SORL1: variants seen among roughly 807,000 people sequenced by gnomAD.
The protein encoded by SORL1 is sortilin related receptor 1.
SORL1 carries 127 observed loss-of-function variants against 273.7 expected under a neutral mutation model. The observed-to-expected ratio is 0.46, with a 90% CI of 0.40 to 0.54. The LOEUF (loss-of-function observed/expected upper bound fraction) is 0.54, where lower values mean the gene tolerates loss of function less well. Among genes scored for constraint, SORL1 ranks in the 20% least tolerant of loss-of-function variants. The probability of loss-of-function intolerance (pLI) is 0.00; values close to 1 mark genes in which losing one functional copy is unlikely to be tolerated. For missense variants in SORL1, 2,494 were observed against 2,846.1 expected, an observed-to-expected ratio of 0.88 and a Z score of 2.81; for synonymous variants, 1,031 against 1,067.4, an observed-to-expected ratio of 0.97 and a Z score of 0.66.
At chr11:121,481,226 C>T (rs1480703930) in intron 3 of SORL1, among the ~76,000 whole-genome samples, 3 of 107,652 alleles carry the variant, frequency 2.8e-5, no homozygotes, top group Admixed American at 8.5e-5. Context: ...TGCACAGATA[C>T]CTATAGGCAA....
At chr11:121,545,177 A>T in intron 13 of SORL1, 66 bp from the exon 14 acceptor site, 1 of 1,490,784 alleles carries the variant, frequency 6.7e-7, no homozygotes, top group Non-Finnish European at 9.3e-7. Flanking sequence ...AGGCACCTTG[A>T]GGCATAGCAG....
In SORL1 at chr11:121,557,371, C is replaced by A. The variant is rs769806986; in HGVS notation, c.2629C>A (p.Arg877Ser). ...LTIVNSSVLD[R>S]PRALVLVPQE... ...AATCGTCAATTCCTCTGTGCTTGAT[C>A]GTCCCAGGGCTCTGGTCCTCGTGCC... The change falls in exon 19 of 48, where the codon CGT becomes AGT. Residue 877 changes from arginine to serine, a missense_variant. This residue lies in a region of SORL1 where 1,609 missense variants were observed against 1,816.4 expected (regional missense o/e 0.89). Coordinates refer to ENST00000260197, the MANE Select transcript of SORL1 (RefSeq NM_003105.6). 6.2e-7 allele frequency: 1 copy of A among 1,614,154 alleles called. No homozygotes were observed. Among genetic ancestry groups the A allele is most frequent in the South Asian group, 1.1e-5 (1 of 91,088 alleles).
Position 121,612,517 on chromosome 11 carries a change from G to A in SORL1, c.5323-219G>A, listed in dbSNP as rs1863580830. 4 of 366,636 alleles carry A rather than the reference G, an allele frequency of 1.1e-5. No individual in the cohort carries two copies. The East Asian group carries it at 1.8e-4, about 17-fold the overall frequency. 22.7% of individuals were successfully genotyped at this position (366,636 alleles called of 1,614,324 possible). On this transcript the variant is annotated intron_variant, in intron 39 of 47. Coordinates refer to ENST00000260197, the MANE Select transcript of SORL1 (RefSeq NM_003105.6). ...TCATTGAATCTATAAATTAAATATG[G>A]TCTCGTTTGTTTTTAGAAGTAGGTG... is the stretch of plus-strand genomic sequence containing the variant.
At chr11:121,601,218 A>T (rs1165703319) in intron 32 of SORL1, among the ~76,000 whole-genome samples, 2 of 143,786 alleles carry the variant, frequency 1.4e-5, no homozygotes, top group Non-Finnish European at 3.0e-5. Flanking sequence ...CCTACAAAGG[A>T]CATGAACTCA....
At position 121,586,235 on chromosome 11, in the gene SORL1, T is replaced by C. The variant is rs200714087; in HGVS notation, c.3720T>C (p.Asn1240=). ...EDPVNCEKKC[N]GFRCPNGTCI... ...ATTCTATTTCAGAGAAGAAGTGCAA[T>C]GGATTCCGCTGCCCAAACGGCACTT... Residue 1240 remains asparagine, a synonymous_variant, in exon 27 of 48, where the codon AAT becomes AAC. Coordinates refer to ENST00000260197, the MANE Select transcript of SORL1 (RefSeq NM_003105.6). 25 of 1,613,096 alleles carry C rather than the reference T, an allele frequency of 1.5e-5. No individual in the cohort carries two copies. The highest frequency in any genetic ancestry group is 5.9e-6 in the Non-Finnish European group (7 of 1,179,208).
At chr11:121,461,066 A>G (rs1431038709) in intron 1 of SORL1, among the ~76,000 whole-genome samples, 1 of 151,998 alleles carries the variant, frequency 6.6e-6, no homozygotes, top group Non-Finnish European at 1.5e-5. Flanking sequence ...AGTGTTTGGA[A>G]GGACTTGCAT....
chr11:121,463,807 G>A (rs1861040189), intron 1 of SORL1, among the ~76,000 whole-genome samples: 1 of 152,208 alleles, frequency 6.6e-6, no homozygotes, highest in Non-Finnish European at 1.5e-5. Flanking sequence ...CTTCTGAGGT[G>A]AGCAGTCCAG....
chr11:121,519,033 C>T (rs1007673149), intron 8 of SORL1, among the ~76,000 whole-genome samples: 26 of 151,108 alleles, frequency 1.7e-4, no homozygotes, highest in African/African-American at 5.8e-4. Context: ...CTGCAACCTC[C>T]GCCTCCCGGG....
At chr11:121,539,090 A>G (rs1862309509) in intron 12 of SORL1, among the ~76,000 whole-genome samples, 1 of 152,326 alleles carries the variant, frequency 6.6e-6, no homozygotes, top group East Asian at 1.9e-4. Context: ...CTCTGTGAGA[A>G]CTAGAAGTCT....
At chr11:121,569,378 G>C (rs1052893567) in intron 22 of SORL1, among the ~76,000 whole-genome samples, 6 of 152,336 alleles carry the variant, frequency 3.9e-5, no homozygotes, top group Non-Finnish European at 7.3e-5. Context: ...CTGCCGGTGA[G>C]CCGGGCGGAA....
In SORL1 at chr11:121,558,646, A is replaced by G. The variant is rs768632349; in HGVS notation, c.2719A>G (p.Met907Val). 7 of 1,613,892 alleles carry G rather than the reference A, an allele frequency of 4.3e-6. No homozygotes were observed. Among genetic ancestry groups the G allele is most frequent in the Non-Finnish European group, 4.2e-6 (5 of 1,179,990 alleles). The change falls in exon 20 of 48, where the codon ATG becomes GTG. Residue 907 changes from methionine (M) to valine (V), a missense_variant. By Grantham distance (21) the Met-to-Val change is conservative. Around this residue, in one of 3 missense-constraint regions of SORL1, gnomAD observed 1,609 missense variants for 1,816.4 expected, o/e 0.89. Transcript: ENST00000260197. The part of the protein sequence containing the change: ...DLKPGIYRSN[M>V]DGSAAYHLVS... ...GAAGCCTGGGATTTATCGGAGCAAT[A>G]TGGATGGTTCTGCTGCCTATCACCT... is the stretch of plus-strand genomic sequence containing the variant.
chr11:121,476,133 A>G (rs545480644), intron 2 of SORL1, among the ~76,000 whole-genome samples: 16 of 152,344 alleles, frequency 1.1e-4, no homozygotes, highest in African/African-American at 3.8e-4. Context: ...CAGAGCTGGA[A>G]GGGACTTTAG....
chr11:121,591,065 C>T lies in SORL1; in HGVS notation c.4278C>T (p.Cys1426=), dbSNP rs754293766. The T allele has an allele frequency of 1.1e-5, 17 of 1,614,248 alleles. No homozygotes were observed. ...PSTCLPNYYR[C]SSGTCVMDTW... ...CGTGTCTGCCCAATTACTACCGCTG[C>T]AGCAGTGGGACCTGCGTGATGGACA... The change falls in exon 31 of 48, where the codon TGC becomes TGT. Residue 1426 remains cysteine (C), a synonymous_variant. Coordinates refer to ENST00000260197, the MANE Select transcript of SORL1 (RefSeq NM_003105.6).
intron 4 of SORL1, among the ~76,000 whole-genome samples, chr11:121,489,800 T>G (rs572932168): frequency 6.6e-6 from 1 of 152,268 alleles, no homozygotes; most frequent in Non-Finnish European, 1.5e-5. Flanking sequence ...AATCCATAAA[T>G]GGAAGGCAAG....
At chr11:121,506,681 T>G (rs1861792273) in intron 6 of SORL1, among the ~76,000 whole-genome samples, 1 of 152,236 alleles carries the variant, frequency 6.6e-6, no homozygotes, top group Admixed American at 6.5e-5. Context: ...CCTTGTAGTT[T>G]CAATCTATTT....
intron 23 of SORL1, among the ~76,000 whole-genome samples, chr11:121,572,885 G>T (rs1276797567): frequency 6.6e-6 from 1 of 152,144 alleles, no homozygotes; most frequent in East Asian, 1.9e-4. Context: ...AAGAAATGGA[G>T]CCTCAAATAA....
intron 43 of SORL1, among the ~76,000 whole-genome samples, chr11:121,620,377 T>C (rs1253967022): frequency 6.6e-6 from 1 of 152,230 alleles, no homozygotes; most frequent in Non-Finnish European, 1.5e-5. Context: ...TTACTGTGTG[T>C]GGACCCTTAC....
At chr11:121,553,602 A>C (rs1451985152) in intron 16 of SORL1, among the ~76,000 whole-genome samples, 3 of 152,226 alleles carry the variant, frequency 2.0e-5, no homozygotes. Flanking sequence ...TGGTGTAATT[A>C]GGTTGGCAAG....
At chr11:121,590,467 A>G in intron 30 of SORL1, 1 of 493,134 alleles carries the variant, frequency 2.0e-6, no homozygotes, top group East Asian at 3.7e-5. Flanking sequence ...GGAACTTGTT[A>G]GAAATGTAGA....
Sources: allele counts gnomAD v4.1 joint callset (sites outside exome capture counted in the v4.1 genomes callset), GRCh38; gene constraint gnomAD v4.1.1; regional missense constraint gnomAD v4.1.1; transcripts MANE v1.5; gene names NCBI Gene and HGNC (gene_info 2026-07-23, HGNC 2026-07-21).